PMS2: variants seen among roughly 807,000 people sequenced by gnomAD.
PMS2 encodes the protein mismatch repair endonuclease PMS2.
In PMS2, 69 loss-of-function variants were observed where a neutral mutation model predicts 90.0. The ratio of observed to expected loss-of-function variants is 0.77; its 90% CI spans 0.63 to 0.94. The LOEUF (loss-of-function observed/expected upper bound fraction) is 0.94, where lower values mean the gene tolerates loss of function less well. Ranked by LOEUF, PMS2 falls within the 40% of genes least tolerant of loss-of-function variation. PMS2 has a pLI of 0.00. For missense variants in PMS2, 966 were observed against 1,040.2 expected (o/e 0.93, Z 0.98); for synonymous variants, 332 against 375.1 (o/e 0.89, Z 1.33).
chr7:6,004,941 G>A (rs886186766), intron 2 of PMS2, among the ~76,000 whole-genome samples: 6 of 150,970 alleles, frequency 4.0e-5, no homozygotes, highest in African/African-American at 1.2e-4. Context: ...AGTTTTGCTC[G>A]TCACCCAGGC....
rs201811667 is a variant in PMS2, at chr7:5,999,118, C to T, written c.695G>A (p.Gly232Glu). ...ACCGGCCATCACTACCTGCTTCTGC[C>T]CAAACACAGAGCCGATATTTTCCTT... ...SIKENIGSVF[G>E]QKQLQSLIPF... Residue 232 changes from glycine to glutamate, a missense_variant, in exon 6 of 15, where the codon GGG becomes GAG. Gly to Glu is a moderately conservative substitution (Grantham distance 98). Coordinates refer to ENST00000265849, the MANE Select transcript of PMS2 (RefSeq NM_000535.7). 1 of 1,614,076 alleles carries T rather than the reference C, an allele frequency of 6.2e-7. No homozygotes were observed. Among genetic ancestry groups the T allele is most frequent in the Non-Finnish European group, 8.5e-7 (1 of 1,180,026 alleles).
intron 1 of PMS2, among the ~76,000 whole-genome samples, chr7:6,008,714 G>C (rs958148791): frequency 3.3e-5 from 5 of 151,798 alleles, no homozygotes; most frequent in African/African-American, 1.2e-4. Context: ...CCCTGTGATG[G>C]GATGTGGGCA....
chr7:5,996,986 G>T (rs1380134445), intron 7 of PMS2, among the ~76,000 whole-genome samples: 1 of 152,018 alleles, frequency 6.6e-6, no homozygotes, highest in East Asian at 1.9e-4. Context: ...ACACCAAGGT[G>T]GGCGGATCAT....
At chr7:5,989,686 T>C (rs1783495117) in intron 10 of PMS2, 114 bp downstream of exon 10, 2 of 776,902 alleles carry the variant, frequency 2.6e-6, no homozygotes. Context: ...TTAAAAATGA[T>C]AAAATAATAT....
intron 8 of PMS2, among the ~76,000 whole-genome samples, chr7:5,994,367 C>A (rs906642072): frequency 1.3e-5 from 2 of 150,122 alleles, no homozygotes; most frequent in African/African-American, 4.9e-5. Context: ...GCCAACAGGG[C>A]GAGACTCCAT....
At chr7:5,996,941 G>T (rs1040605312) in intron 7 of PMS2, among the ~76,000 whole-genome samples, 5 of 152,086 alleles carry the variant, frequency 3.3e-5, no homozygotes, top group Non-Finnish European at 7.4e-5. Context: ...CTAGCCAGGC[G>T]TGGTGGCTCA....
At chr7:6,006,317 T>C (rs1232008034) in intron 1 of PMS2, among the ~76,000 whole-genome samples, 1 of 152,174 alleles carries the variant, frequency 6.6e-6, no homozygotes, top group East Asian at 1.9e-4. Context: ...ATCTCTCAAA[T>C]TACCAAAATC....
chr7:5,997,393 G>A lies in PMS2; in HGVS notation c.736C>T (p.Pro246Ser), dbSNP rs765668173. Residue 246 changes from proline (P) to serine (S), a missense_variant, in exon 7 of 15, where the codon CCC (proline) becomes TCC (serine). This residue lies in a region of PMS2 where 871 missense variants were observed against 802.4 expected (regional missense o/e 1.09). Transcript: ENST00000265849. Reference sequence around the variant, plus strand: ...TCTTCACACACGGAGTCACTAGGGGGCAGCTGAACAAAAGGAATGAGGCTT... The same window carrying A: ...TCTTCACACACGGAGTCACTAGGGGACAGCTGAACAAAAGGAATGAGGCTT... ...LQSLIPFVQLPPSDSVCEEYG... is the reference protein window; with the variant it reads ...LQSLIPFVQLSPSDSVCEEYG... 3 of 1,602,504 alleles carry A rather than the reference G, an allele frequency of 1.9e-6. No individual in the cohort carries two copies. Among genetic ancestry groups the A allele is most frequent in the Non-Finnish European group, 2.6e-6 (3 of 1,172,322 alleles).
chr7:5,998,728 A>G (rs1336775176), intron 6 of PMS2, among the ~76,000 whole-genome samples: 1 of 148,440 alleles, frequency 6.7e-6, no homozygotes, highest in Non-Finnish European at 1.5e-5. Flanking sequence ...TTGGTGGCTC[A>G]CACCTGTAAT....
At chr7:6,005,867 T>C (rs1471755254) in intron 2 of PMS2, 25 bp downstream of exon 2, 1 of 1,610,706 alleles carries the variant, frequency 6.2e-7, no homozygotes. Flanking sequence ...TCATTTCTTG[T>C]GGCTTAAAAC....
intron 10 of PMS2, among the ~76,000 whole-genome samples, chr7:5,988,629 A>G (rs1783356986): frequency 6.6e-6 from 1 of 152,210 alleles, no homozygotes; most frequent in African/African-American, 2.4e-5. Context: ...TCATGACAGC[A>G]TTCTTCATTA....
rs770181766 is a variant in PMS2, at chr7:5,987,271, G to C, written c.1494C>G (p.Ser498Arg). ...TGAACCCCTCAGAATCCACGGAAGT[G>C]CTGCCGTGCCCCGAGTCCTTCTCCA... ...AEVEKDSGHG[S>R]TSVDSEGFSI... Residue 498 changes from serine (S) to arginine (R), a missense_variant, in exon 11 of 15, where the codon AGC becomes AGG. Coordinates refer to ENST00000265849, the MANE Select transcript of PMS2 (RefSeq NM_000535.7). 6.2e-7 allele frequency: 1 copy of C among 1,614,104 alleles called. No homozygotes were observed. The highest frequency in any genetic ancestry group is 2.2e-5 in the East Asian group (1 of 44,884).
chr7:5,992,659 T>TG (rs1237429440), intron 8 of PMS2, among the ~76,000 whole-genome samples: 1 of 152,170 alleles, frequency 6.6e-6, no homozygotes, highest in African/African-American at 2.4e-5. Context: ...GAGATATGAC[T>TG]AACATGGAAT....
In PMS2 at chr7:5,987,341, A is replaced by T. The variant is rs587781827; in HGVS notation, c.1424T>A (p.Val475Glu). 1.2e-6 allele frequency: 2 copies of T among 1,614,102 alleles called. No individual in the cohort carries two copies. Among genetic ancestry groups the T allele is most frequent in the Admixed American group, 1.7e-5 (1 of 59,988 alleles). ...KGVLRPQKEA[V>E]SSSHGPSDPT... Reference sequence around the variant, plus strand: ...GTCACTGGGTCCGTGACTGGAACTCACTGCCTCTTTCTGAGGTCTCAGGAC... The same window carrying T: ...GTCACTGGGTCCGTGACTGGAACTCTCTGCCTCTTTCTGAGGTCTCAGGAC... Residue 475 changes from valine to glutamate, a missense_variant, in exon 11 of 15, where the codon GTG becomes GAG. This residue lies in a region of PMS2 where 871 missense variants were observed against 802.4 expected (regional missense o/e 1.09). Transcript: ENST00000265849.
chr7:5,983,402 T>C (rs55782426), intron 11 of PMS2, among the ~76,000 whole-genome samples: 57,054 of 142,874 alleles, frequency 0.4, 10,781 homozygotes, highest in Non-Finnish European at 0.43. Flanking sequence ...AGCCACTGCG[T>C]TCGGCTTAAC....
rs201167814 is a variant in PMS2, at chr7:5,987,205, C to T, written c.1560G>A (p.Ala520=). 4.5e-4 allele frequency: 733 copies of T among 1,614,100 alleles called. 2 individuals carry two copies. Among genetic ancestry groups the T allele is most frequent in the Admixed American group, 6.3e-4 (38 of 60,004 alleles). The stretch of plus-strand genomic sequence containing the variant: ...AGCCCCTGTCCCCTGGGGAGCTGGC[C>T]GCATACTCGCTGCTGCAGTGACTGC... The part of the protein sequence containing the change: ...DTGSHCSSEY[A]ASSPGDRGSQ... Residue 520 remains alanine (A), a synonymous_variant, in exon 11 of 15, where the codon GCG becomes GCA. Transcript: ENST00000265849.
chr7:6,001,978 G>C (rs927866698), intron 5 of PMS2: 2 of 151,598 alleles, frequency 1.3e-5, no homozygotes, highest in African/African-American at 4.8e-5. Context: ...GGGCGCCAAA[G>C]AGAAACTCCA....
chr7:5,973,572 T>C, intron 14 of PMS2, 30 bp from the exon 15 acceptor site: 2 of 451,946 alleles, frequency 4.4e-6, no homozygotes, highest in Admixed American at 9.0e-5. Flanking sequence ...GTTCAACGTT[T>C]TAGTAGTTTT....
intron 12 of PMS2, among the ~76,000 whole-genome samples, chr7:5,979,797 G>A (rs1481611445): frequency 4.7e-5 from 6 of 126,832 alleles, no homozygotes; most frequent in South Asian, 3.1e-4. Context: ...CTGGGATTAC[G>A]AGTGTGAGCC....
Sources: gnomAD v4.1 joint callset for allele counts (sites outside exome capture counted in the v4.1 genomes callset) on GRCh38, gnomAD v4.1.1 for gene constraint, gnomAD v4.1.1 regional missense constraint, MANE v1.5 for transcripts, NCBI Gene and HGNC (gene_info 2026-07-23, HGNC 2026-07-21) for gene names.